AHNAK: variants seen among roughly 807,000 people sequenced by gnomAD.
AHNAK encodes the protein AHNAK nucleoprotein, also known as neuroblast differentiation-associated protein AHNAK.
Under a neutral mutation model 37.8 loss-of-function variants are expected in AHNAK, and 23 were observed. That is an observed-to-expected ratio of 0.61 (90% CI 0.44 to 0.86). AHNAK has a LOEUF of 0.86. AHNAK is among the 40% of genes least tolerant of loss of function. The pLI, the probability that AHNAK is intolerant of heterozygous loss-of-function variation, is 0.00. For missense variants in AHNAK, 7,411 were observed against 7,319.4 expected (o/e 1.01, Z -0.46); for synonymous variants, 2,481 against 2,636.3 (o/e 0.94, Z 1.80).
chr11:62,488,565 A>ATTTTTTTTTTTTTT (rs57544040), intron 5 of AHNAK, among the ~76,000 whole-genome samples: 4 of 133,962 alleles, frequency 3.0e-5, no homozygotes, highest in African/African-American at 1.2e-4. Flanking sequence ...TGCCCAGCTA[A>ATTTTTTTTTTTTTT]TTTTTTTTTT....
rs771993484 is a variant in AHNAK at position 62,518,026 on chromosome 11, C to A, written c.16391G>T (p.Ser5464Ile). The A allele has an allele frequency of 6.2e-7, 1 of 1,614,220 alleles. No individual in the cohort carries two copies. Among genetic ancestry groups the A allele is most frequent in the Non-Finnish European group, 8.5e-7 (1 of 1,180,048 alleles). Reference sequence around the variant, plus strand: ...TTTGATCTCACCAGTGGCCCCAAGGCTCCCTTTCACTTTTGGTCCTTCCAA... The same window carrying A: ...TTTGATCTCACCAGTGGCCCCAAGGATCCCTTTCACTTTTGGTCCTTCCAA... ...FNLEGPKVKG[S>I]LGATGEIKGP... The change falls in exon 5 of 5, where the codon AGC becomes ATC. Residue 5464 changes from serine to isoleucine, a missense_variant. Coordinates refer to ENST00000378024, the MANE Select transcript of AHNAK (RefSeq NM_001620.3).
Position 62,543,277 on chromosome 11 carries a change from G to A in AHNAK, c.-100+3383C>T, listed in dbSNP as rs1941194546. The stretch of plus-strand genomic sequence containing the variant: ...CAGTCCTTACCTACAACCCCTACGG[G>A]CCCGCAGGAAACCTCCACCACCAGA... On this transcript the variant is annotated intron_variant, in intron 1 of 4. Transcript: ENST00000378024. Among the ~76,000 whole-genome samples, 3 of 152,154 alleles carry A rather than the reference G, an allele frequency of 2.0e-5. No individual in the cohort carries two copies. In the South Asian group the frequency reaches 6.2e-4, roughly 32 times the overall value.
rs1271383527 is a variant in AHNAK at position 62,527,933 on chromosome 11, A to C, written c.6484T>G (p.Cys2162Gly). ...DVEVPDVELE[C>G]PDAKLKGPKF... Reference sequence around the variant, plus strand: ...GGCCCTTTCAACTTTGCATCAGGACACTCCAGCTCAACATCAGGCACCTCC... The same window carrying C: ...GGCCCTTTCAACTTTGCATCAGGACCCTCCAGCTCAACATCAGGCACCTCC... Residue 2162 changes from cysteine to glycine, a missense_variant, in exon 5 of 5, where the codon TGT becomes GGT. Physicochemically the swap from Cys to Gly is radical, Grantham distance 159. Transcript: ENST00000378024. 1.3e-6 allele frequency: 2 copies of C among 1,595,046 alleles called. No homozygotes were observed. The highest frequency in any genetic ancestry group is 1.5e-5 in the African/African-American group (1 of 67,960).
rs757438671 is a variant in AHNAK at position 62,519,315 on chromosome 11, C to A, written c.15102G>T (p.Lys5034Asn). 6.2e-7 allele frequency: 1 copy of A among 1,614,172 alleles called. No individual in the cohort carries two copies. Among genetic ancestry groups the A allele is most frequent in the South Asian group, 1.1e-5 (1 of 91,082 alleles). ...CAAATCCCTGTTTTTTGGCCTTAAT[C>A]TTAGGACCACTCATATGAATTTTAG... Reference protein sequence around the residue: ...KMPKIHMSGPKIKAKKQGFDL... With the variant: ...KMPKIHMSGPNIKAKKQGFDL... The change falls in exon 5 of 5, where the codon AAG becomes AAT. Residue 5034 changes from lysine to asparagine, a missense_variant. Physicochemically the swap from Lys to Asn is moderately conservative, Grantham distance 94. Coordinates refer to ENST00000378024, the MANE Select transcript of AHNAK (RefSeq NM_001620.3).
chr11:62,493,541 C>T (rs1020937607), intron 4 of AHNAK, among the ~76,000 whole-genome samples: 10 of 152,052 alleles, frequency 6.6e-5, no homozygotes, highest in Admixed American at 6.6e-4. Context: ...ACTATCTTGG[C>T]CAAGCTGGTC....
chr11:62,534,205 G>A (rs1940870689), intron 4 of AHNAK, 131 bp from the exon 5 acceptor site: 3 of 840,978 alleles, frequency 3.6e-6, no homozygotes, highest in South Asian at 1.9e-5. Flanking sequence ...GGTCCATGGA[G>A]CCTCCTGGGG....
At chr11:62,478,311 C>T (rs1405709780) in intron 5 of AHNAK, among the ~76,000 whole-genome samples, 1 of 152,232 alleles carries the variant, frequency 6.6e-6, no homozygotes, top group East Asian at 1.9e-4. Flanking sequence ...ACCCTCCAGC[C>T]CCTGACAGGG....
Position 62,518,551 on chromosome 11 carries a change from G to C in AHNAK, c.15866C>G (p.Ser5289Ter), listed in dbSNP as rs750325349. The C allele has an allele frequency of 6.2e-7, 1 of 1,614,100 alleles. No individual in the cohort carries two copies. Among genetic ancestry groups the C allele is most frequent in the Non-Finnish European group, 8.5e-7 (1 of 1,180,008 alleles). Reference protein sequence around the residue: ...SLKGPGVDLPSVNLSMPKVSG... With the variant: ...SLKGPGVDLP Reference sequence around the variant, plus strand: ...GACTTTTGGCATAGAGAGGTTCACTGAAGGCAAGTCTACTCCTGGCCCCTT... The same window carrying C: ...GACTTTTGGCATAGAGAGGTTCACTCAAGGCAAGTCTACTCCTGGCCCCTT... Residue 5289 changes from serine to a stop codon, truncating the protein, a stop_gained, in exon 5 of 5, where the codon TCA (serine) becomes TGA (stop). Coordinates refer to ENST00000378024, the MANE Select transcript of AHNAK (RefSeq NM_001620.3). LOFTEE classifies it high-confidence loss of function.
At chr11:62,465,541 A>G (rs1938893625) in intron 5 of AHNAK, among the ~76,000 whole-genome samples, 1 of 152,138 alleles carries the variant, frequency 6.6e-6, no homozygotes, top group South Asian at 2.1e-4. Context: ...TGAACCCAGG[A>G]GGCGGAGGTT....
Position 62,518,606 on chromosome 11 carries a change from C to CA in AHNAK, c.15810dup (p.Val5271CysfsTer2). On this transcript the variant is annotated frameshift_variant, in exon 5 of 5. Transcript: ENST00000378024. LOFTEE classifies it high-confidence loss of function. ...GAAACATCGGGCCCTTCGAGCTTAA[C>CA]ATCTGGTCCTCTCAAGTCTCCTTCA... The CA allele has an allele frequency of 6.2e-7, 1 of 1,614,212 alleles. No individual in the cohort carries two copies. Among genetic ancestry groups the CA allele is most frequent in the Non-Finnish European group, 8.5e-7 (1 of 1,180,044 alleles).
chr11:62,474,346 A>G (rs1939101353), intron 5 of AHNAK, among the ~76,000 whole-genome samples: 3 of 151,874 alleles, frequency 2.0e-5, no homozygotes, highest in African/African-American at 7.3e-5. Flanking sequence ...CACCACGCCC[A>G]GCTAATTTTT....
Position 62,522,758 on chromosome 11 carries a change from C to T in AHNAK, c.11659G>A (p.Val3887Met), listed in dbSNP as rs1479848762. ...DIDLNLKGPK[V>M]KGDMDVSLPK... ...AGAGACACATCCATATCACCCTTCA[C>T]TTTGGGTCCTTTCAGGTTAAGATCA... The change falls in exon 5 of 5, where the codon GTG becomes ATG. Residue 3887 changes from valine (V) to methionine (M), a missense_variant. Transcript: ENST00000378024. 2 of 1,613,610 alleles carry T rather than the reference C, an allele frequency of 1.2e-6. No individual in the cohort carries two copies. Among genetic ancestry groups the T allele is most frequent in the Non-Finnish European group, 1.7e-6 (2 of 1,179,938 alleles).
intron 5 of AHNAK, among the ~76,000 whole-genome samples, chr11:62,465,578 A>G (rs1173398725): frequency 2.0e-5 from 3 of 152,076 alleles, no homozygotes; most frequent in Non-Finnish European, 2.9e-5. Flanking sequence ...GTGCCATTGC[A>G]CTCCAGCTTG....
intron 5 of AHNAK, among the ~76,000 whole-genome samples, chr11:62,439,307 A>G (rs1214720705): frequency 6.6e-6 from 1 of 151,796 alleles, no homozygotes; most frequent in Admixed American, 6.6e-5. Flanking sequence ...TGTTTTAGTC[A>G]GGATGGTCTC....
At chr11:62,477,136 C>A (rs566778248) in intron 5 of AHNAK, among the ~76,000 whole-genome samples, 2 of 152,274 alleles carry the variant, frequency 1.3e-5, no homozygotes, top group East Asian at 1.9e-4. Context: ...GCAGGGAAAA[C>A]GCTTCCACAA....
chr11:62,516,973 C>T lies in AHNAK; in HGVS notation c.17444G>A (p.Gly5815Glu). 1 of 1,614,196 alleles carries T rather than the reference C, an allele frequency of 6.2e-7. No homozygotes were observed. The highest frequency in any genetic ancestry group is 8.5e-7 in the Non-Finnish European group (1 of 1,180,026). ...EVSLEGGKVK[G>E]KHGKLKFGTF... ...ACCGAATTTCAGCTTCCCGTGTTTC[C>T]CTTTAACTTTCCCACCTTCCAGAGA... Residue 5815 changes from glycine to glutamate, a missense_variant, in exon 5 of 5, where the codon GGG becomes GAG. Physicochemically the swap from Gly to Glu is moderately conservative, Grantham distance 98. Coordinates refer to ENST00000378024, the MANE Select transcript of AHNAK (RefSeq NM_001620.3).
At chr11:62,507,259 C>T (rs1939828464) in intron 4 of AHNAK, among the ~76,000 whole-genome samples, 1 of 152,168 alleles carries the variant, frequency 6.6e-6, no homozygotes, top group Non-Finnish European at 1.5e-5. Context: ...TGCTTAACTT[C>T]TCTGAGCCTC....
intron 5 of AHNAK, among the ~76,000 whole-genome samples, chr11:62,488,944 TAA>T (rs1456419867): frequency 6.6e-6 from 1 of 151,640 alleles, no homozygotes; most frequent in Non-Finnish European, 1.5e-5. Context: ...AAGAGCACAA[TAA>T]AGACACAGGA....
Position 62,533,238 on chromosome 11 carries a change from C to T in AHNAK, c.1179G>A (p.Gly393=), listed in dbSNP as rs748366258. ...GAGCAGAGGCATCCACCCCAATGTG[C>T]CCCTGTGGCTTGGCACCTTTCAGGC... ...DLGLKGAKPQ[G]HIGVDASAPQ... is the part of the protein sequence containing the mutation. Residue 393 remains glycine (G), a synonymous_variant, in exon 5 of 5, where the codon GGG becomes GGA. Transcript: ENST00000378024. The T allele has an allele frequency of 5.9e-6, 9 of 1,525,950 alleles. No individual in the cohort carries two copies. Among genetic ancestry groups the T allele is most frequent in the Non-Finnish European group, 7.9e-6 (9 of 1,141,208 alleles). 94.5% of individuals were successfully genotyped at this position (1,525,950 alleles called of 1,614,324 possible).
Sources: allele counts gnomAD v4.1 joint callset (sites outside exome capture counted in the v4.1 genomes callset), GRCh38; gene constraint gnomAD v4.1.1; transcripts MANE v1.5; gene names NCBI Gene and HGNC (gene_info 2026-07-23, HGNC 2026-07-21).